Variants in SMPD4 observed in about 807,000 individuals in gnomAD.
SMPD4 encodes the protein sphingomyelin phosphodiesterase 4.
SMPD4 carries 58 observed loss-of-function variants against 97.8 expected under a neutral mutation model. That is an observed-to-expected ratio of 0.59 (90% CI 0.48 to 0.74). The LOEUF is 0.74. Ranked by LOEUF, SMPD4 falls within the 30% of genes least tolerant of loss-of-function variation. The pLI is 0.00. For missense variants in SMPD4, 853 were observed against 1,080.5 expected (o/e 0.79, Z 2.95); for synonymous variants, 388 against 450.0 (o/e 0.86, Z 1.74).
At chr2:130,181,402 G>T in intron 1 of SMPD4, 128 bp downstream of exon 1, 1 of 1,479,560 alleles carries the variant, frequency 6.8e-7, no homozygotes, top group Admixed American at 2.5e-5. Flanking sequence ...AGCCTGCCCT[G>T]CCTGGGCAGA....
chr2:130,154,315 T>G lies in SMPD4; in HGVS notation c.1621A>C (p.Lys541Gln). The G allele has an allele frequency of 6.2e-7, 1 of 1,610,062 alleles. No homozygotes were observed. Among genetic ancestry groups the G allele is most frequent in the Non-Finnish European group, 8.5e-7 (1 of 1,178,170 alleles). ...TCGGGCCCAAACATCGGGGTGTACT[T>G]GCAGTCCTGGCCCTCCAGGCTGTAG... ...HVYSLEGQDCKYTPMFGPEAR... is the reference protein window; with the variant it reads ...HVYSLEGQDCQYTPMFGPEAR... The change falls in exon 16 of 20, where the codon AAG (lysine) becomes CAG (glutamine). Residue 541 changes from lysine to glutamine, a missense_variant. Lys to Gln is a moderately conservative substitution (Grantham distance 53). Coordinates refer to ENST00000680298, the MANE Select transcript of SMPD4 (RefSeq NM_017951.5).
In SMPD4 at chr2:130,153,104, C is replaced by G. The variant is rs1686394654; in HGVS notation, c.2093G>C (p.Ser698Thr). ...QGDPELQPIRSYEIASLVRTL... is the reference protein window; with the variant it reads ...QGDPELQPIRTYEIASLVRTL... ...GCGGACCAAGCTGGCGATCTCATAG[C>G]TCCGGATGGGCTGCAGCTCCGGGTC... Residue 698 changes from serine (S) to threonine (T), a missense_variant, in exon 19 of 20, where the codon AGC becomes ACC. By Grantham distance (58) the Ser-to-Thr change is moderately conservative (BLOSUM62 1). Transcript: ENST00000680298. 1 of 1,613,746 alleles carries G rather than the reference C, an allele frequency of 6.2e-7. No homozygotes were observed. The highest frequency in any genetic ancestry group is 1.1e-5 in the South Asian group (1 of 91,082).
intron 5 of SMPD4, 46 bp from the exon 6 acceptor site, chr2:130,172,941 G>C (rs1688618618): frequency 2.5e-6 from 4 of 1,575,070 alleles, no homozygotes; most frequent in Non-Finnish European, 3.4e-6. Context: ...CTGGTGCGTA[G>C]TGCCCGATAC....
chr2:130,172,772 G>A lies in SMPD4; in HGVS notation c.454+15C>T. The A allele has an allele frequency of 4.3e-6, 7 of 1,614,150 alleles. No individual in the cohort carries two copies. The highest frequency in any genetic ancestry group is 5.9e-6 in the Non-Finnish European group (7 of 1,180,028). On this transcript the variant is annotated intron_variant, in intron 6 of 19. Coordinates refer to ENST00000680298, the MANE Select transcript of SMPD4 (RefSeq NM_017951.5). Reference sequence around the variant, plus strand: ...CCACCCACAGCCTCCCTACCTCAGGGCCACCAAAGGATACTCAGGGCCAAG... The same window carrying A: ...CCACCCACAGCCTCCCTACCTCAGGACCACCAAAGGATACTCAGGGCCAAG...
Position 130,152,224 on chromosome 2 carries a change from C to T in SMPD4, c.*331G>A. ...GGCAGGCTGGCTCCCAAGCTTGGTG[C>T]AGCAGAGTAGCCAAATGGGCAGTGG... On this transcript the variant is annotated 3_prime_UTR_variant, in exon 20 of 20. Transcript: ENST00000680298. The T allele has an allele frequency of 3.8e-6, 1 of 264,388 alleles. No individual in the cohort carries two copies. Among genetic ancestry groups the T allele is most frequent in the Non-Finnish European group, 7.3e-6 (1 of 137,578 alleles). The allele number at this position is 264,388 out of a possible 1,614,324, so 16.4% of individuals were successfully genotyped here.
intron 10 of SMPD4, among the ~76,000 whole-genome samples, chr2:130,163,250 A>G (rs1190572586): frequency 3.9e-5 from 6 of 152,358 alleles, no homozygotes; most frequent in South Asian, 2.1e-4. Context: ...AACATGCAGC[A>G]AGTCTGCTCT....
upstream of SMPD4, chr2:130,181,681 C>T: frequency 6.5e-7 from 1 of 1,548,466 alleles, no homozygotes; most frequent in East Asian, 2.4e-5. Context: ...TCAAAAGGCG[C>T]GTGCGCAAAG....
At chr2:130,153,018 C>T (rs778264373) in intron 19 of SMPD4, 25 bp downstream of exon 19, 2 of 1,601,926 alleles carry the variant, frequency 1.2e-6, no homozygotes, top group Admixed American at 1.7e-5. Context: ...CTGAAGACGC[C>T]AGGCCAGCCC....
At chr2:130,155,575 T>C (rs1456733688) in intron 14 of SMPD4, among the ~76,000 whole-genome samples, 1 of 151,556 alleles carries the variant, frequency 6.6e-6, no homozygotes, top group African/African-American at 2.4e-5. Flanking sequence ...CCCCAGAGGG[T>C]CCAAAGGGGA....
intron 8 of SMPD4, 110 bp from the exon 9 acceptor site, chr2:130,167,700 C>T: frequency 8.2e-7 from 1 of 1,223,334 alleles, no homozygotes; most frequent in Non-Finnish European, 1.1e-6. Context: ...GGACAGATTA[C>T]AACTTGTTCA....
rs113975436 is a variant in SMPD4, at chr2:130,156,773, G to T, written c.1098-98C>A. ...CCCATCAGTGAGGGTTGGCTCCGCC[G>T]GGGGAGAGCACTGGGCACCTCCGGG... On this transcript the variant is annotated intron_variant, in intron 12 of 19. Coordinates refer to ENST00000680298, the MANE Select transcript of SMPD4 (RefSeq NM_017951.5). The T allele has an allele frequency of 8.6e-3, 13,359 of 1,553,234 alleles. 922 individuals carry two copies. The African/African-American group carries it at 0.16, about 18-fold the overall frequency.
In SMPD4 at chr2:130,156,023, G is replaced by A; in HGVS notation, c.1289+12C>T. 1.2e-6 allele frequency: 2 copies of A among 1,609,964 alleles called. No homozygotes were observed. The highest frequency in any genetic ancestry group is 1.7e-6 in the Non-Finnish European group (2 of 1,178,864). On this transcript the variant is annotated intron_variant, in intron 14 of 19. Transcript: ENST00000680298. ...AGCCAGTGGCATGTCTGTGAGAGGA[G>A]CTGAGGCTCACCATTTCTCCGACAC...
chr2:130,181,542 T>C lies in SMPD4; in HGVS notation c.-58A>G, dbSNP rs142107599. 7.1e-4 allele frequency: 1,140 copies of C among 1,605,438 alleles called. 16 individuals are homozygous for C. The East Asian group carries it at 0.023, about 32-fold the overall frequency. On this transcript the variant is annotated 5_prime_UTR_variant, in exon 1 of 20. The change abolishes an upstream ATG in the 5' untranslated region. Coordinates refer to ENST00000680298, the MANE Select transcript of SMPD4 (RefSeq NM_017951.5). ...CCGCGCCACTCACCTGTGGGATCCA[T>C]AGCGTCGCTCGCCTCAGAGATGGAA... is the stretch of plus-strand genomic sequence containing the variant.
rs779949856 is a variant in SMPD4, at chr2:130,158,159, C to T, written c.952-763G>A. ...TTCAAAAATAAGAACCCCATGGCTT[C>T]ACTTTCCTCCCCAATTCCTCCCACC... On this transcript the variant is annotated intron_variant, in intron 11 of 19. Coordinates refer to ENST00000680298, the MANE Select transcript of SMPD4 (RefSeq NM_017951.5). The T allele has an allele frequency of 1.9e-5, 24 of 1,252,366 alleles. 1 individual carries two copies. Among genetic ancestry groups the T allele is most frequent in the South Asian group, 1.8e-4 (14 of 75,894 alleles). 77.6% of individuals were successfully genotyped at this position (1,252,366 alleles called of 1,614,324 possible).
chr2:130,153,126 G>A lies in SMPD4; in HGVS notation c.2071C>T (p.Pro691Ser). 6.2e-7 allele frequency: 1 copy of A among 1,613,860 alleles called. No homozygotes were observed. The change falls in exon 19 of 20, where the codon CCG becomes TCG. Residue 691 changes from proline (P) to serine (S), a missense_variant. Transcript: ENST00000680298. ...TAGCTCCGGATGGGCTGCAGCTCCG[G>A]GTCCCCCTGGTACTCAATTTCAAAC... ...RRFEIEYQGD[P>S]ELQPIRSYEI...
Position 130,164,377 on chromosome 2 carries a change from G to A in SMPD4, c.861C>T (p.Ala287=). The change falls in exon 10 of 20, where the codon GCC becomes GCT. Residue 287 remains alanine (A), a synonymous_variant. Coordinates refer to ENST00000680298, the MANE Select transcript of SMPD4 (RefSeq NM_017951.5). ...EMYQKMQSPH[A]KLEVLHYRLS... ...GGAAGAAAAACTGAAAACATACCTT[G>A]GCATGAGGGGACTGCATTTTTTGAT... 15 of 1,613,630 alleles carry A rather than the reference G, an allele frequency of 9.3e-6. No homozygotes were observed. The highest frequency in any genetic ancestry group is 1.3e-5 in the Non-Finnish European group (15 of 1,179,596).
chr2:130,153,888 C>T lies in SMPD4; in HGVS notation c.1707G>A (p.Lys569=), dbSNP rs769245904. Residue 569 remains lysine, a synonymous_variant, in exon 17 of 20, where the codon AAG becomes AAA. Coordinates refer to ENST00000680298, the MANE Select transcript of SMPD4 (RefSeq NM_017951.5). ...QLITQAKHTA[K]SISDQCAESP... ...TCTCCGCACACTGGTCGGAGATGGACTTGGCTGTGTGTTTGGCCTGTGTGA... is the reference window on the plus strand; with the variant it reads ...TCTCCGCACACTGGTCGGAGATGGATTTGGCTGTGTGTTTGGCCTGTGTGA... 4.3e-6 allele frequency: 7 copies of T among 1,613,892 alleles called. No homozygotes were observed. The highest frequency in any genetic ancestry group is 1.3e-5 in the African/African-American group (1 of 75,062).
At chr2:130,177,628 G>C (rs762690404) in intron 1 of SMPD4, among the ~76,000 whole-genome samples, 1 of 151,774 alleles carries the variant, frequency 6.6e-6, no homozygotes, top group Non-Finnish European at 1.5e-5. Flanking sequence ...ACCCAGGAGA[G>C]GTGGTTGCAG....
intron 3 of SMPD4, among the ~76,000 whole-genome samples, chr2:130,174,171 C>T (rs1410848074): frequency 1.3e-5 from 2 of 152,166 alleles, no homozygotes; most frequent in Non-Finnish European, 2.9e-5. Context: ...TAGGCACACA[C>T]CACTACACTC....
Sources: allele counts gnomAD v4.1 joint callset (sites outside exome capture counted in the v4.1 genomes callset), GRCh38; gene constraint gnomAD v4.1.1; transcripts MANE v1.5; gene names NCBI Gene and HGNC (gene_info 2026-07-23, HGNC 2026-07-21).